CACNA1C: variants seen among roughly 807,000 people sequenced by gnomAD.
CACNA1C encodes voltage-dependent L-type calcium channel subunit alpha-1C.
A neutral mutation model predicts 229.0 loss-of-function variants in CACNA1C; 30 were observed. That is an observed-to-expected ratio of 0.13 (90% CI 0.10 to 0.18). CACNA1C has a LOEUF of 0.18. Among genes scored for constraint, CACNA1C ranks in the 10% least tolerant of loss-of-function variants. CACNA1C has a pLI of 1.00. For missense variants in CACNA1C, 1,658 were observed against 2,845.0 expected (o/e 0.58, Z 9.49); for synonymous variants, 1,114 against 1,132.5 (o/e 0.98, Z 0.33).
rs368017840 is a variant in CACNA1C at position 2,605,187 on chromosome 12, T to C, written c.3048+19T>C. On this transcript the variant is annotated intron_variant, in intron 23 of 46. Coordinates refer to ENST00000399655, the MANE Select transcript of CACNA1C (RefSeq NM_000719.7). This position sits in a 1 kb window ranked among gnomAD's most constrained non-coding sequence, Gnocchi z 6.2. Reference sequence around the variant, plus strand: ...GCTAAAGGTGAGTTGAGGGCTTGGGTAGGGAGTCTCCAGCCAGCCCATTGG... The same window carrying C: ...GCTAAAGGTGAGTTGAGGGCTTGGGCAGGGAGTCTCCAGCCAGCCCATTGG... The C allele has an allele frequency of 5.2e-6, 8 of 1,552,398 alleles. No homozygotes were observed. Among genetic ancestry groups the C allele is most frequent in the Non-Finnish European group, 7.1e-6 (8 of 1,124,052 alleles).
rs532698895 is a variant in CACNA1C at position 2,647,279 on chromosome 12, G to A, written c.3913-1196G>A. On this transcript the variant is annotated intron_variant, in intron 30 of 46. Transcript: ENST00000399655. This position sits in a 1 kb window ranked among gnomAD's most constrained non-coding sequence, Gnocchi z 4.2. ...GCAGCTCAGATGGTCAAGATCAGTC[G>A]GGGCTGAGCCCTCTGTGCTGGAGCC... Among the ~76,000 whole-genome samples the A allele has an allele frequency of 4.3e-4, 66 of 152,264 alleles. No individual in the cohort carries two copies. In the South Asian group the frequency reaches 0.01, roughly 23 times the overall value.
chr12:2,190,977 G>A lies in CACNA1C; in HGVS notation c.477+70547G>A, dbSNP rs1210075482. On this transcript the variant is annotated intron_variant, in intron 3 of 46. Coordinates refer to ENST00000399655, the MANE Select transcript of CACNA1C (RefSeq NM_000719.7). ...AAAGGGTGCCAGTCATTTCCTGCAA[G>A]TCCCATTGGCTGGGACTCAGCCTGT... 2.0e-5 allele frequency among the ~76,000 whole-genome samples: 3 copies of A among 152,294 alleles called. No homozygotes were observed. The East Asian group carries it at 5.8e-4, about 29-fold the overall frequency.
intron 3 of CACNA1C, among the ~76,000 whole-genome samples, chr12:2,151,306 C>T (rs2095240542): frequency 1.3e-5 from 2 of 149,432 alleles, no homozygotes; most frequent in South Asian, 2.1e-4. Context: ...AAATTGAAGG[C>T]ACCCTTACCA....
chr12:2,558,279 GC>G (rs2045600576), intron 11 of CACNA1C, among the ~76,000 whole-genome samples: 1 of 152,194 alleles, frequency 6.6e-6, no homozygotes, highest in Middle Eastern at 3.2e-3. Flanking sequence ...GCTGCATGGG[GC>G]TAGGCTGAAC....
At chr12:2,272,092 A>T (rs1270488788) in intron 3 of CACNA1C, among the ~76,000 whole-genome samples, 1 of 152,140 alleles carries the variant, frequency 6.6e-6, no homozygotes, top group East Asian at 1.9e-4. Context: ...CATCTCTTCC[A>T]TCGAGCTATT....
intron 3 of CACNA1C, among the ~76,000 whole-genome samples, chr12:2,381,835 A>C (rs934465864): frequency 3.3e-5 from 5 of 152,124 alleles, no homozygotes; most frequent in African/African-American, 1.2e-4. Context: ...GACTTTGACT[A>C]TGGGGATGCT....
intron 3 of CACNA1C, among the ~76,000 whole-genome samples, chr12:2,122,947 G>C (rs1207868552): frequency 6.6e-6 from 1 of 152,226 alleles, no homozygotes; most frequent in African/African-American, 2.4e-5. Context: ...TCTGGGGCAT[G>C]GTCTGGGGAT....
At chr12:2,394,266 G>A (rs988761903) in intron 3 of CACNA1C, among the ~76,000 whole-genome samples, 2 of 152,224 alleles carry the variant, frequency 1.3e-5, no homozygotes, top group Non-Finnish European at 2.9e-5. Flanking sequence ...CTCTGGTATG[G>A]ACGCAGGAGC....
At chr12:2,594,105 G>A (rs1177974832) in intron 19 of CACNA1C, among the ~76,000 whole-genome samples, 1 of 152,164 alleles carries the variant, frequency 6.6e-6, no homozygotes, top group Non-Finnish European at 1.5e-5. Context: ...ACGTTTATTT[G>A]TAGCTGCTTT....
At chr12:2,374,710 CT>C (rs2097985356) in intron 3 of CACNA1C, among the ~76,000 whole-genome samples, 1 of 152,240 alleles carries the variant, frequency 6.6e-6, no homozygotes, top group Non-Finnish European at 1.5e-5. Flanking sequence ...ACAAAGAATA[CT>C]AATAGTAGGT....
chr12:2,419,275 G>A (rs2098949251), intron 3 of CACNA1C, among the ~76,000 whole-genome samples: 1 of 152,200 alleles, frequency 6.6e-6, no homozygotes, highest in Admixed American at 6.5e-5. Context: ...GGCAGAAGGT[G>A]AAGGGGGAGC....
intron 5 of CACNA1C, among the ~76,000 whole-genome samples, chr12:2,472,052 A>C (rs2099596373): frequency 1.3e-5 from 2 of 152,102 alleles, no homozygotes; most frequent in South Asian, 4.1e-4. Flanking sequence ...TTTCTCTCTC[A>C]GTTTTCAGCA....
chr12:2,044,068 A>G (rs9888329), intron 1 of CACNA1C, among the ~76,000 whole-genome samples: 22,991 of 152,250 alleles, frequency 0.15, 1,804 homozygotes, highest in South Asian at 0.17. Flanking sequence ...TAATAATAAA[A>G]TAATGGGGTT....
chr12:2,487,594 T>C (rs2099702554), intron 6 of CACNA1C, among the ~76,000 whole-genome samples: 1 of 151,762 alleles, frequency 6.6e-6, no homozygotes, highest in Non-Finnish European at 1.5e-5. Flanking sequence ...TTTCACTTTT[T>C]GGATGGAAGT....
intron 3 of CACNA1C, among the ~76,000 whole-genome samples, chr12:2,185,597 G>A (rs977505028): frequency 6.6e-6 from 1 of 152,240 alleles, no homozygotes; most frequent in Non-Finnish European, 1.5e-5. Context: ...GACACACATA[G>A]AAGGAAAAGC....
chr12:2,170,042 C>T (rs1230597366), intron 3 of CACNA1C, among the ~76,000 whole-genome samples: 2 of 152,180 alleles, frequency 1.3e-5, no homozygotes, highest in South Asian at 2.1e-4. Context: ...GTGGCAGGCT[C>T]TCTGCCTGGT....
chr12:2,558,278 G>T (rs1423919463), intron 11 of CACNA1C, among the ~76,000 whole-genome samples: 1 of 152,224 alleles, frequency 6.6e-6, no homozygotes, highest in Admixed American at 6.5e-5. Flanking sequence ...TGCTGCATGG[G>T]GCTAGGCTGA....
chr12:2,478,038 G>A (rs1186064004), intron 5 of CACNA1C, among the ~76,000 whole-genome samples: 2 of 152,098 alleles, frequency 1.3e-5, no homozygotes, highest in African/African-American at 4.8e-5. Flanking sequence ...TTAGGAAGGA[G>A]TGAAGTGCAT....
At chr12:2,525,987 G>A (rs1023357915) in intron 9 of CACNA1C, among the ~76,000 whole-genome samples, 1 of 152,214 alleles carries the variant, frequency 6.6e-6, no homozygotes, top group African/African-American at 2.4e-5. Context: ...AGGGTGGTCT[G>A]TTGGGGAGAT....
Sources: gnomAD v4.1 joint callset for allele counts (sites outside exome capture counted in the v4.1 genomes callset) on GRCh38, gnomAD v4.1.1 for gene constraint, Gnocchi (gnomAD v3.1) non-coding constraint, MANE v1.5 for transcripts, NCBI Gene and HGNC (gene_info 2026-07-23, HGNC 2026-07-21) for gene names.